Variants in TANGO2 observed in about 807,000 individuals in gnomAD.
The protein encoded by TANGO2 is transport and Golgi organization protein 2 homolog.
Under a neutral mutation model 39.1 loss-of-function variants are expected in TANGO2, and 26 were observed. The ratio of observed to expected loss-of-function variants is 0.67; its 90% CI spans 0.49 to 0.92. The LOEUF is 0.92. Ranked by LOEUF, TANGO2 falls within the 40% of genes least tolerant of loss-of-function variation. TANGO2 has a pLI of 0.00. For synonymous variants in TANGO2, 131 were observed against 144.5 expected (o/e 0.91, Z 0.67); for missense variants, 326 against 360.1 (o/e 0.91, Z 0.77).
intron 1 of TANGO2, chr22:20,033,134 C>G (rs374318765): frequency 1.0e-5 from 5 of 491,772 alleles, no homozygotes; most frequent in Non-Finnish European, 1.6e-5. Context: ...GGGCCTGGCT[C>G]GAGCAGGGGG....
rs1443872776 is a variant in TANGO2 at position 20,043,473 on chromosome 22, T to C, written c.145+30T>C. On this transcript the variant is annotated intron_variant, in intron 3 of 8. Coordinates refer to ENST00000327374, the MANE Select transcript of TANGO2 (RefSeq NM_152906.7). The stretch of plus-strand genomic sequence containing the variant: ...GTCTTCCTGCGTGCTCAGCGGTGGC[T>C]GCGCCTTGTTGCTTCCCTAGCCCCT... 2.7e-6 allele frequency: 4 copies of C among 1,504,808 alleles called. No homozygotes were observed. In the East Asian group the frequency reaches 6.8e-5, roughly 26 times the overall value. 93.2% of individuals were successfully genotyped at this position (1,504,808 alleles called of 1,614,324 possible). A position where few individuals can be genotyped will look rare whatever the true frequency, so the allele number is the denominator to read the frequency against.
rs1006049086 is a variant in TANGO2 at position 20,046,249 on chromosome 22, G to A, written c.145+2806G>A. Among the ~76,000 whole-genome samples the A allele has an allele frequency of 3.9e-5, 6 of 151,940 alleles. No homozygotes were observed. The East Asian group carries it at 1.2e-3, about 29-fold the overall frequency. On this transcript the variant is annotated intron_variant, in intron 3 of 8. Coordinates refer to ENST00000327374, the MANE Select transcript of TANGO2 (RefSeq NM_152906.7). ...CAGCCTCTAACTCCTGGCCTCAAGT[G>A]ATCCTCCCACCTCAGCCTCCCTAGT...
At chr22:20,030,029 G>A (rs1165735443) in intron 1 of TANGO2, among the ~76,000 whole-genome samples, 2 of 152,130 alleles carry the variant, frequency 1.3e-5, no homozygotes, top group Admixed American at 6.5e-5. Context: ...TGCTCCAGGA[G>A]GCAGTGGTAC....
chr22:20,043,843 GTT>G (rs988267417), intron 3 of TANGO2, among the ~76,000 whole-genome samples: 6 of 152,116 alleles, frequency 3.9e-5, no homozygotes, highest in African/African-American at 1.4e-4. Flanking sequence ...CTGTGTTTGT[GTT>G]TCTGTTTGTA....
At position 20,042,099 on chromosome 22, in the gene TANGO2, A is replaced by G. The variant is rs149251836; in HGVS notation, c.57-1256A>G. Among the ~76,000 whole-genome samples the G allele has an allele frequency of 6.3e-3, 960 of 151,914 alleles. 9 individuals carry two copies. The highest frequency in any genetic ancestry group is 0.022 in the African/African-American group (920 of 41,398). ...TGGGCTCAAATGATCCTGCTGCCTCAGCCTCCCCAGTAGTTGGGAATACAG... is the reference window on the plus strand; with the variant it reads ...TGGGCTCAAATGATCCTGCTGCCTCGGCCTCCCCAGTAGTTGGGAATACAG... On this transcript the variant is annotated intron_variant, in intron 2 of 8. Transcript: ENST00000327374.
At chr22:20,019,768 G>A (rs2039434525), upstream of TANGO2, among the ~76,000 whole-genome samples, 3 of 152,212 alleles carry the variant, frequency 2.0e-5, no homozygotes, top group Admixed American at 2.0e-4. Context: ...TGGCCCTATA[G>A]ATTGCATAGG....
chr22:20,036,899 G>T (rs1292762038), intron 2 of TANGO2, 45 bp downstream of exon 2: 1 of 1,614,232 alleles, frequency 6.2e-7, no homozygotes, highest in African/African-American at 1.3e-5. Flanking sequence ...AGGGTCCTGG[G>T]TGCCCAGCCA....
At chr22:20,019,331 A>G (rs993923684), upstream of TANGO2, 1 of 152,220 alleles carries the variant, frequency 6.6e-6, no homozygotes, top group South Asian at 2.1e-4. Context: ...TTTGTGTGCA[A>G]TTAGAGGTTG....
intron 1 of TANGO2, among the ~76,000 whole-genome samples, chr22:20,021,461 TC>T (rs1323958993): frequency 6.6e-6 from 1 of 152,114 alleles, no homozygotes; most frequent in Non-Finnish European, 1.5e-5. Flanking sequence ...GAGGCTGAGA[TC>T]GGCAGGGTTG....
At chr22:20,043,971 A>T (rs940134578) in intron 3 of TANGO2, among the ~76,000 whole-genome samples, 2 of 152,134 alleles carry the variant, frequency 1.3e-5, no homozygotes, top group African/African-American at 4.8e-5. Context: ...GGGCAGAAGT[A>T]GGGGTGAGAA....
intron 5 of TANGO2, 92 bp from the exon 6 acceptor site, chr22:20,055,851 A>G (rs549669945): frequency 1.3e-4 from 153 of 1,176,222 alleles, no homozygotes; most frequent in Non-Finnish European, 1.7e-4. Context: ...GCACATCGCT[A>G]GCCTCCAGAA....
Position 20,063,361 on chromosome 22 carries a change from A to C in TANGO2, c.629A>C (p.Glu210Ala), listed in dbSNP as rs2048735656. 2.5e-6 allele frequency: 4 copies of C among 1,613,352 alleles called. No homozygotes were observed. The highest frequency in any genetic ancestry group is 1.1e-5 in the South Asian group (1 of 91,074). Reference protein sequence around the residue: ...EEAQLPDPAIEDQGGEYVQPM... With the variant: ...EEAQLPDPAIADQGGEYVQPM... Reference sequence around the variant, plus strand: ...AGGCAGCTGCCAGACCCGGCCATCGAGGACCAGGGTGGGGAGTACGTGCAG... The same window carrying C: ...AGGCAGCTGCCAGACCCGGCCATCGCGGACCAGGGTGGGGAGTACGTGCAG... The change falls in exon 8 of 9, where the codon GAG becomes GCG. Residue 210 changes from glutamate to alanine, a missense_variant. By Grantham distance (107) the Glu-to-Ala change is moderately radical. Transcript: ENST00000327374.
intron 8 of TANGO2, among the ~76,000 whole-genome samples, chr22:20,063,943 G>A (rs432909): frequency 0.44 from 66,639 of 152,194 alleles, 15,155 homozygotes; most frequent in East Asian, 0.73. Flanking sequence ...CCCACGGGGT[G>A]CACTGCGTAT....
At chr22:20,039,585 C>T (rs772972215) in intron 2 of TANGO2, among the ~76,000 whole-genome samples, 9 of 151,744 alleles carry the variant, frequency 5.9e-5, no homozygotes, top group East Asian at 1.9e-4. Context: ...ACTGAGATAG[C>T]GCCACTGCAC....
In TANGO2 at chr22:20,035,126, G is replaced by C. The variant is rs118161598; in HGVS notation, c.-39-1634G>C. On this transcript the variant is annotated intron_variant, in intron 1 of 8. Coordinates refer to ENST00000327374, the MANE Select transcript of TANGO2 (RefSeq NM_152906.7). ...ACCCTTTAGCTTCCCATCCTATGCA[G>C]AGTGGTGGCCAGCAGACCATCTCAA... Among the ~76,000 whole-genome samples, 5 of 152,344 alleles carry C rather than the reference G, an allele frequency of 3.3e-5. No homozygotes were observed. In the East Asian group the frequency reaches 9.6e-4, roughly 29 times the overall value.
chr22:20,043,656 G>A (rs1049690175), intron 3 of TANGO2, among the ~76,000 whole-genome samples: 1 of 152,160 alleles, frequency 6.6e-6, no homozygotes, highest in African/African-American at 2.4e-5. Context: ...CCTGTGCCAT[G>A]CGTCTGCATG....
In TANGO2 at chr22:20,064,971, C is replaced by T. The variant is rs1369032132; in HGVS notation, c.*309C>T. 1 of 347,536 alleles carries T rather than the reference C, an allele frequency of 2.9e-6. No homozygotes were observed. The highest frequency in any genetic ancestry group is 2.0e-5 in the African/African-American group (1 of 48,824). 21.5% of individuals were successfully genotyped at this position (347,536 alleles called of 1,614,324 possible). ...TACACAGGCACTCACATGGCACACA[C>T]ATACACTCCTGCGTGTGCACAAGCA... On this transcript the variant is annotated 3_prime_UTR_variant, in exon 9 of 9. Transcript: ENST00000327374.
intron 1 of TANGO2, among the ~76,000 whole-genome samples, chr22:20,030,478 C>A (rs139340534): frequency 1.8e-4 from 28 of 152,278 alleles, no homozygotes; most frequent in African/African-American, 6.5e-4. Context: ...TCCCAAGTAG[C>A]TGGGACTACA....
At chr22:20,024,537 C>A (rs888837823) in intron 1 of TANGO2, among the ~76,000 whole-genome samples, 1 of 152,208 alleles carries the variant, frequency 6.6e-6, no homozygotes, top group South Asian at 2.1e-4. Flanking sequence ...GGGGATTGGG[C>A]GCCCGGCTGC....
Sources: allele counts gnomAD v4.1 joint callset (sites outside exome capture counted in the v4.1 genomes callset), GRCh38; gene constraint gnomAD v4.1.1; transcripts MANE v1.5; gene names NCBI Gene and HGNC (gene_info 2026-07-23, HGNC 2026-07-21).